The following DPP6 variants were observed in gnomAD, a reference collection of about 807,000 sequenced individuals.
DPP6 encodes A-type potassium channel modulatory protein DPP6.
DPP6 carries 69 observed loss-of-function variants against 122.6 expected under a neutral mutation model. The ratio of observed to expected loss-of-function variants is 0.56; its 90% CI spans 0.46 to 0.69. DPP6 has a LOEUF of 0.69. Ranked by LOEUF, DPP6 falls within the 30% of genes least tolerant of loss-of-function variation. The probability of loss-of-function intolerance (pLI) is 0.00; values close to 1 mark genes in which losing one functional copy is unlikely to be tolerated. For missense variants in DPP6, 928 were observed against 1,116.9 expected, an observed-to-expected ratio of 0.83 and a Z score of 2.41; for synonymous variants, 418 against 433.1, an observed-to-expected ratio of 0.97 and a Z score of 0.43.
At chr7:154,841,717 C>T (rs1013246230) in intron 16 of DPP6, among the ~76,000 whole-genome samples, 4 of 151,696 alleles carry the variant, frequency 2.6e-5, no homozygotes, top group African/African-American at 7.3e-5. Flanking sequence ...CCATTGCCTC[C>T]CCATCTTTTG....
chr7:154,041,657 G>A (rs550776918), intron 1 of DPP6, among the ~76,000 whole-genome samples: 1 of 152,308 alleles, frequency 6.6e-6, no homozygotes, highest in Admixed American at 6.5e-5. Flanking sequence ...TTATCTGGGT[G>A]GGAAGAGGAT....
At chr7:154,587,870 A>T in intron 5 of DPP6, 1 of 1,612,882 alleles carries the variant, frequency 6.2e-7, no homozygotes, top group Non-Finnish European at 8.5e-7. Flanking sequence ...CCTGTTTCAG[A>T]TATTCCATGG....
At chr7:154,495,884 A>G (rs755582693) in intron 3 of DPP6, among the ~76,000 whole-genome samples, 3 of 152,156 alleles carry the variant, frequency 2.0e-5, no homozygotes, top group Non-Finnish European at 2.9e-5. Flanking sequence ...AAAAAGACAC[A>G]CTGAACATTT....
At chr7:154,105,624 G>A (rs1164309965) in intron 1 of DPP6, among the ~76,000 whole-genome samples, 1 of 152,284 alleles carries the variant, frequency 6.6e-6, no homozygotes, top group Non-Finnish European at 1.5e-5. Context: ...CACAGTGGGA[G>A]GTAATCGATT....
chr7:153,870,905 T>C, the DPP6 span, among the ~76,000 whole-genome samples: 1 of 152,236 alleles, frequency 6.6e-6, no homozygotes, highest in South Asian at 2.1e-4. Context: ...TGGAGTTTGC[T>C]AGAGGTCCAC....
At chr7:153,810,572 A>C in the DPP6 span, among the ~76,000 whole-genome samples, 1 of 151,966 alleles carries the variant, frequency 6.6e-6, no homozygotes, top group African/African-American at 2.4e-5. Context: ...TTCCAAAATC[A>C]ATGGAAATTT....
At chr7:153,833,984 T>A in the DPP6 span, among the ~76,000 whole-genome samples, 1 of 152,120 alleles carries the variant, frequency 6.6e-6, no homozygotes, top group African/African-American at 2.4e-5. Flanking sequence ...TCCCAACTTC[T>A]TGGTTAATAG....
At chr7:154,087,379 A>T (rs555987743) in intron 1 of DPP6, among the ~76,000 whole-genome samples, 1 of 152,184 alleles carries the variant, frequency 6.6e-6, no homozygotes, top group Non-Finnish European at 1.5e-5. Context: ...TGGGAGCTGA[A>T]CTGTGCTTTT....
intron 1 of DPP6, among the ~76,000 whole-genome samples, chr7:153,995,907 A>C (rs71271207): frequency 1.5e-4 from 23 of 152,180 alleles, no homozygotes; most frequent in Non-Finnish European, 3.1e-4. Context: ...GCTTCCAAAC[A>C]TCTATGGCAT....
At chr7:154,098,763 C>A (rs1018918470) in intron 1 of DPP6, among the ~76,000 whole-genome samples, 9 of 151,886 alleles carry the variant, frequency 5.9e-5, no homozygotes, top group African/African-American at 2.2e-4. Flanking sequence ...ATTGTGGGAG[C>A]CTCCATGATC....
intron 1 of DPP6, among the ~76,000 whole-genome samples, chr7:154,434,796 A>G (rs1256036897): frequency 6.6e-6 from 1 of 151,932 alleles, no homozygotes; most frequent in African/African-American, 2.4e-5. Flanking sequence ...TTTTATGTTC[A>G]TGGCTGTTCC....
intron 1 of DPP6, among the ~76,000 whole-genome samples, chr7:153,941,183 G>A (rs28396228): frequency 0.22 from 32,768 of 152,206 alleles, 3,560 homozygotes; most frequent in East Asian, 0.27. Context: ...ACACACAGCA[G>A]TGGCTAGCAC....
intron 1 of DPP6, among the ~76,000 whole-genome samples, chr7:154,286,162 T>C (rs1268824672): frequency 6.6e-6 from 1 of 152,116 alleles, no homozygotes; most frequent in Non-Finnish European, 1.5e-5. Context: ...GCACTGAGAT[T>C]TTAAGGAGTG....
chr7:154,380,493 A>G (rs1813497906), intron 1 of DPP6, among the ~76,000 whole-genome samples: 1 of 152,192 alleles, frequency 6.6e-6, no homozygotes, highest in African/African-American at 2.4e-5. Flanking sequence ...GGAATTTGCA[A>G]TTCTTTAGCA....
At chr7:153,988,839 T>C (rs146746819) in intron 1 of DPP6, among the ~76,000 whole-genome samples, 2,135 of 151,722 alleles carry the variant, frequency 0.014, 32 homozygotes, top group African/African-American at 0.049. Context: ...GGAGATTGCA[T>C]TGCTTTCCCA....
At chr7:154,629,729 G>A (rs1201101822) in intron 5 of DPP6, among the ~76,000 whole-genome samples, 3 of 152,072 alleles carry the variant, frequency 2.0e-5, no homozygotes, top group East Asian at 1.9e-4. Context: ...GTGGTGCTTC[G>A]AGCCCCTGCT....
intron 4 of DPP6, among the ~76,000 whole-genome samples, chr7:154,565,364 T>A (rs2130516062): frequency 6.6e-6 from 1 of 152,300 alleles, no homozygotes; most frequent in Non-Finnish European, 1.5e-5. Context: ...TTGTTGAGAA[T>A]TGTGTGAGTA....
intron 1 of DPP6, among the ~76,000 whole-genome samples, chr7:154,111,728 G>C (rs1045383905): frequency 4.0e-5 from 6 of 151,696 alleles, no homozygotes; most frequent in Admixed American, 2.6e-4. Context: ...TTTGTCTTCA[G>C]ACTGAAACCT....
chr7:154,691,446 G>A (rs1027384148), intron 7 of DPP6, among the ~76,000 whole-genome samples: 4 of 152,036 alleles, frequency 2.6e-5, no homozygotes, highest in Non-Finnish European at 4.4e-5. Flanking sequence ...AAAGAATACT[G>A]GTGTTCCATT....
Sources: allele counts gnomAD v4.1 joint callset (sites outside exome capture counted in the v4.1 genomes callset), GRCh38; gene constraint gnomAD v4.1.1; transcripts MANE v1.5; gene names NCBI Gene and HGNC (gene_info 2026-07-23, HGNC 2026-07-21).